The following TCF4 variants were observed in gnomAD, a reference collection of about 807,000 sequenced individuals.
The protein encoded by TCF4 is transcription factor 4, also known as SL3-3 enhancer factor 2.
A neutral mutation model predicts 82.1 loss-of-function variants in TCF4; 3 were observed. The ratio of observed to expected loss-of-function variants is 0.04; its 90% CI spans 0.02 to 0.09. The LOEUF (loss-of-function observed/expected upper bound fraction) is 0.09, where lower values mean the gene tolerates loss of function less well. Ranked by LOEUF, TCF4 falls within the 10% of genes least tolerant of loss-of-function variation. The probability of loss-of-function intolerance (pLI) is 1.00; values close to 1 mark genes in which losing one functional copy is unlikely to be tolerated. For synonymous variants in TCF4, 276 were observed against 309.6 expected (o/e 0.89, Z 1.14); for missense variants, 518 against 852.7 (o/e 0.61, Z 4.89).
At chr18:55,414,416 T>C (rs1202002062) in intron 5 of TCF4, among the ~76,000 whole-genome samples, 1 of 152,172 alleles carries the variant, frequency 6.6e-6, no homozygotes, top group Non-Finnish European at 1.5e-5. Context: ...TTTATGGCTT[T>C]TGCTTACAAA....
chr18:55,286,311 T>C (rs1177856665), intron 8 of TCF4, among the ~76,000 whole-genome samples: 7 of 152,124 alleles, frequency 4.6e-5, no homozygotes, highest in African/African-American at 1.7e-4. Flanking sequence ...CTACCTTTTT[T>C]TTTTTTTCAG....
chr18:55,527,759 T>C (rs1302014985), intron 3 of TCF4, among the ~76,000 whole-genome samples: 2 of 152,218 alleles, frequency 1.3e-5, no homozygotes, highest in African/African-American at 4.8e-5. Context: ...AGAATTTTTT[T>C]TAGATTGGCC....
chr18:55,412,649 G>T (rs186376974), intron 5 of TCF4, among the ~76,000 whole-genome samples: 1 of 152,124 alleles, frequency 6.6e-6, no homozygotes, highest in Non-Finnish European at 1.5e-5. Flanking sequence ...GAGAAAATCC[G>T]GTCCTTTCCC....
At chr18:55,528,697 C>T (rs1318263304) in intron 3 of TCF4, among the ~76,000 whole-genome samples, 1 of 152,082 alleles carries the variant, frequency 6.6e-6, no homozygotes, top group African/African-American at 2.4e-5. Context: ...GAAAGCTGAC[C>T]CTAAGCTACG....
chr18:55,320,495 A>G (rs2075230441), intron 8 of TCF4, among the ~76,000 whole-genome samples: 1 of 152,258 alleles, frequency 6.6e-6, no homozygotes, highest in African/African-American at 2.4e-5. Context: ...ACAGTTGTGT[A>G]TATGTATGTA....
chr18:55,518,282 AG>A (rs1568296606), intron 3 of TCF4, among the ~76,000 whole-genome samples: 2 of 152,222 alleles, frequency 1.3e-5, no homozygotes, highest in Non-Finnish European at 1.5e-5. Flanking sequence ...AGTTAAGTAG[AG>A]CAAATTTAGT....
chr18:55,363,651 C>G (rs2086083400), intron 6 of TCF4, among the ~76,000 whole-genome samples: 1 of 151,984 alleles, frequency 6.6e-6, no homozygotes, highest in Non-Finnish European at 1.5e-5. Context: ...ACTAAAAATA[C>G]AAAAATTAAC....
intron 6 of TCF4, among the ~76,000 whole-genome samples, chr18:55,377,247 G>C (rs1434463225): frequency 6.6e-6 from 1 of 152,142 alleles, no homozygotes; most frequent in African/African-American, 2.4e-5. Flanking sequence ...TGGTGGGATG[G>C]CTTGAGCCCA....
intron 6 of TCF4, among the ~76,000 whole-genome samples, chr18:55,373,167 AACACAGAG>A (rs2089795085): frequency 6.6e-6 from 1 of 151,942 alleles, no homozygotes; most frequent in Non-Finnish European, 1.5e-5. Flanking sequence ...TCAAAAATAA[AACACAGAG>A]ACTATGAAAA....
At chr18:55,510,311 G>T (rs1019198701) in intron 3 of TCF4, among the ~76,000 whole-genome samples, 1 of 152,038 alleles carries the variant, frequency 6.6e-6, no homozygotes, top group Admixed American at 6.6e-5. Flanking sequence ...ACATTTTCAG[G>T]CATTTTGGTA....
At chr18:55,526,501 A>T (rs1361817572) in intron 3 of TCF4, among the ~76,000 whole-genome samples, 1 of 152,186 alleles carries the variant, frequency 6.6e-6, no homozygotes, top group Non-Finnish European at 1.5e-5. Context: ...AGGTTACTCC[A>T]GTAAAGGTTA....
At chr18:55,510,220 TCTGCCCCTTAGA>T (rs1269007282) in intron 3 of TCF4, among the ~76,000 whole-genome samples, 1 of 152,174 alleles carries the variant, frequency 6.6e-6, no homozygotes, top group Non-Finnish European at 1.5e-5. Flanking sequence ...TAGCGCTCAG[TCTGCCCCTTAGA>T]CTGACTGAGT....
At chr18:55,483,327 C>T (rs2096467769) in intron 3 of TCF4, among the ~76,000 whole-genome samples, 1 of 152,220 alleles carries the variant, frequency 6.6e-6, no homozygotes, top group Non-Finnish European at 1.5e-5. Flanking sequence ...CACAGGTATG[C>T]TATAAAGGTT....
At chr18:55,543,537 C>T (rs2097181617) in intron 3 of TCF4, among the ~76,000 whole-genome samples, 1 of 152,052 alleles carries the variant, frequency 6.6e-6, no homozygotes, top group African/African-American at 2.4e-5. Flanking sequence ...GTCCATTATT[C>T]TTTTTTATTA....
At chr18:55,358,555 A>G (rs2084206447) in intron 6 of TCF4, among the ~76,000 whole-genome samples, 1 of 152,248 alleles carries the variant, frequency 6.6e-6, no homozygotes, top group African/African-American at 2.4e-5. Context: ...TGGTTATGTG[A>G]CCTGACCAAT....
intron 2 of TCF4, among the ~76,000 whole-genome samples, chr18:55,611,913 C>A (rs2097707413): frequency 6.6e-6 from 1 of 152,082 alleles, no homozygotes; most frequent in Non-Finnish European, 1.5e-5. Flanking sequence ...GGAATACAGG[C>A]ACTCGTCACC....
intron 2 of TCF4, among the ~76,000 whole-genome samples, chr18:55,622,622 T>C (rs1241725060): frequency 6.6e-6 from 1 of 152,072 alleles, no homozygotes; most frequent in Non-Finnish European, 1.5e-5. Flanking sequence ...CTTATCTAAT[T>C]CCTGCTTTGA....
intron 10 of TCF4, among the ~76,000 whole-genome samples, chr18:55,270,376 A>G (rs184806946): frequency 6.6e-6 from 1 of 152,260 alleles, no homozygotes; most frequent in Admixed American, 6.5e-5. Context: ...CAGGGCTTAT[A>G]TTACATTTCA....
rs527621469 is a variant in TCF4, at chr18:55,477,119, C to T, written c.146-12982G>A. 4.6e-5 allele frequency among the ~76,000 whole-genome samples: 7 copies of T among 152,260 alleles called. No homozygotes were observed. In the South Asian group the frequency reaches 8.3e-4, roughly 18 times the overall value. On this transcript the variant is annotated intron_variant, in intron 3 of 19. Transcript: ENST00000354452. ...GAGTCTGACTGGTCATTTGGTCTCA[C>T]GATAATGTAACCACAATTTTTAATT... is the stretch of plus-strand genomic sequence containing the variant.
Sources: gnomAD v4.1 joint callset for allele counts (sites outside exome capture counted in the v4.1 genomes callset) on GRCh38, gnomAD v4.1.1 for gene constraint, MANE v1.5 for transcripts, NCBI Gene and HGNC (gene_info 2026-07-23, HGNC 2026-07-21) for gene names.